The following ANK2 variants were observed in gnomAD, a reference collection of about 807,000 sequenced individuals.
ANK2 encodes ankyrin 2.
Under a neutral mutation model 360.5 loss-of-function variants are expected in ANK2, and 83 were observed. That is an observed-to-expected ratio of 0.23 (90% CI 0.19 to 0.28). The LOEUF is 0.28. Among genes scored for constraint, ANK2 ranks in the 10% least tolerant of loss-of-function variants. ANK2 has a pLI of 1.00. For synonymous variants in ANK2, 1,740 were observed against 1,759.5 expected, an observed-to-expected ratio of 0.99 and a Z score of 0.28; for missense variants, 4,201 against 4,795.7, an observed-to-expected ratio of 0.88 and a Z score of 3.66.
the ANK2 span, among the ~76,000 whole-genome samples, chr4:112,763,114 G>C: frequency 6.6e-6 from 1 of 152,142 alleles, no homozygotes; most frequent in Non-Finnish European, 1.5e-5. Flanking sequence ...TAAGAGTGGG[G>C]GCTGGGCGCG....
At chr4:113,221,439 C>G (rs143828659) in intron 4 of ANK2, among the ~76,000 whole-genome samples, 3,717 of 152,156 alleles carry the variant, frequency 0.024, 79 homozygotes, top group Non-Finnish European at 0.038. Context: ...GTGGGCAGGT[C>G]ACTTGAGGTC....
At chr4:113,158,686 T>C (rs2097394470) in intron 1 of ANK2, among the ~76,000 whole-genome samples, 1 of 152,210 alleles carries the variant, frequency 6.6e-6, no homozygotes, top group African/African-American at 2.4e-5. Flanking sequence ...TTTGAAATTC[T>C]TAACATCTCG....
rs755730747 is a variant in ANK2 at position 113,336,674 on chromosome 4, ACAAAC to A, written c.3693_3697del (p.Lys1231AsnfsTer13). 1 of 1,614,182 alleles carries A rather than the reference ACAAAC, an allele frequency of 6.2e-7. No homozygotes were observed. The highest frequency in any genetic ancestry group is 8.5e-7 in the Non-Finnish European group (1 of 1,180,030). ...TTGGAACCTAGAAGAAGAAAATTCC[ACAAAC>A]CAATTACCATGACCATTCCTGTCCC... On this transcript the variant is annotated frameshift_variant, in exon 31 of 46. Coordinates refer to ENST00000357077, the MANE Select transcript of ANK2 (RefSeq NM_001148.6). LOFTEE classifies it high-confidence loss of function.
At chr4:112,975,260 A>C (rs775138648) in intron 2 of ANK2, among the ~76,000 whole-genome samples, 1 of 152,194 alleles carries the variant, frequency 6.6e-6, no homozygotes, top group Non-Finnish European at 1.5e-5. Context: ...CTTAGCAGGA[A>C]TCATAATTTT....
chr4:113,182,896 G>C lies in ANK2; in HGVS notation c.186+8379G>C, dbSNP rs986636301. ...ATCAAGAAGGCTTTCTTTGTAATAG[G>C]AAAGAAATAATAGCTTTGTTTTGTT... is the stretch of plus-strand genomic sequence containing the variant. On this transcript the variant is annotated intron_variant, in intron 2 of 45. Transcript: ENST00000357077. Among the ~76,000 whole-genome samples, 6 of 152,286 alleles carry C rather than the reference G, an allele frequency of 3.9e-5. 1 individual carries two copies. Among genetic ancestry groups the C allele is most frequent in the Admixed American group, 3.9e-4 (6 of 15,298 alleles).
chr4:112,740,720 A>T, the ANK2 span, among the ~76,000 whole-genome samples: 3 of 151,642 alleles, frequency 2.0e-5, no homozygotes, highest in Non-Finnish European at 4.4e-5. Context: ...AGAAAAAAAA[A>T]ATTATTGTAG....
chr4:113,197,028 T>G (rs1315986196), intron 3 of ANK2, among the ~76,000 whole-genome samples: 2 of 152,238 alleles, frequency 1.3e-5, no homozygotes, highest in African/African-American at 2.4e-5. Flanking sequence ...AGGATGAGAT[T>G]AACATAATCC....
chr4:112,960,764 G>T (rs191173826), intron 2 of ANK2, among the ~76,000 whole-genome samples: 23 of 152,064 alleles, frequency 1.5e-4, no homozygotes, highest in Admixed American at 7.2e-4. Flanking sequence ...ATAGTAATAA[G>T]ATAATTTATT....
At chr4:112,928,870 T>A (rs2092879706) in intron 2 of ANK2, among the ~76,000 whole-genome samples, 1 of 150,474 alleles carries the variant, frequency 6.6e-6, no homozygotes, top group African/African-American at 2.5e-5. Flanking sequence ...TTTTTTTTTT[T>A]AAGACAGAGT....
the ANK2 span, among the ~76,000 whole-genome samples, chr4:112,792,207 A>G: frequency 6.6e-6 from 1 of 151,800 alleles, no homozygotes; most frequent in Non-Finnish European, 1.5e-5. Flanking sequence ...ACACCTGGGT[A>G]ATTTTGTGTT....
At chr4:113,219,547 T>C (rs181416149) in intron 4 of ANK2, among the ~76,000 whole-genome samples, 4,237 of 152,250 alleles carry the variant, frequency 0.028, 98 homozygotes, top group East Asian at 0.068. Flanking sequence ...TATCTTATTT[T>C]GTGTTTTCCC....
rs779012880 is a variant in ANK2 at position 113,367,664 on chromosome 4, A to C, written c.11131A>C (p.Ile3711Leu). The change falls in exon 42 of 46, where the codon ATC becomes CTC. Residue 3711 changes from isoleucine (I) to leucine (L), a missense_variant. By Grantham distance (5) the Ile-to-Leu change is conservative. This residue lies in a region of ANK2 where 2,642 missense variants were observed against 2,714.5 expected (regional missense o/e 0.97). Transcript: ENST00000357077. ...AAGTGAGACCTGCGATCACCCTCCT[A>C]TCGTCTCAGAGGAAGACATTTCTGT... Reference protein sequence around the residue: ...KESETCDHPPIVSEEDISVGY... With the variant: ...KESETCDHPPLVSEEDISVGY... 2 of 1,613,960 alleles carry C rather than the reference A, an allele frequency of 1.2e-6. No individual in the cohort carries two copies. The highest frequency in any genetic ancestry group is 1.7e-6 in the Non-Finnish European group (2 of 1,179,980).
At chr4:113,180,518 T>C (rs1207249834) in intron 2 of ANK2, among the ~76,000 whole-genome samples, 1 of 152,216 alleles carries the variant, frequency 6.6e-6, no homozygotes, top group African/African-American at 2.4e-5. Flanking sequence ...GGTATTGCCA[T>C]AGCCTGTATC....
intron 34 of ANK2, 43 bp from the exon 35 acceptor site, chr4:113,345,857 C>T: frequency 6.2e-7 from 1 of 1,610,744 alleles, no homozygotes. Flanking sequence ...GTAAATACTG[C>T]AAATCAAATG....
chr4:113,217,450 G>C (rs2099097923), intron 4 of ANK2, among the ~76,000 whole-genome samples: 1 of 152,104 alleles, frequency 6.6e-6, no homozygotes, highest in Non-Finnish European at 1.5e-5. Flanking sequence ...TGTATTTCAA[G>C]GTATAAATTA....
At chr4:112,837,044 G>C (rs1000290400) in intron 1 of ANK2, among the ~76,000 whole-genome samples, 1 of 152,198 alleles carries the variant, frequency 6.6e-6, no homozygotes, top group Non-Finnish European at 1.5e-5. Flanking sequence ...CATGCCAGAG[G>C]TCTTCAAGGC....
Position 113,355,219 on chromosome 4 carries a change from A to T in ANK2, c.6601A>T (p.Ser2201Cys). 6.2e-7 allele frequency: 1 copy of T among 1,614,142 alleles called. No individual in the cohort carries two copies. Among genetic ancestry groups the T allele is most frequent in the Non-Finnish European group, 8.5e-7 (1 of 1,179,970 alleles). The change falls in exon 38 of 46, where the codon AGT (serine) becomes TGT (cysteine). Residue 2201 changes from serine (S) to cysteine (C), a missense_variant. This residue lies in a region of ANK2 where 2,642 missense variants were observed against 2,714.5 expected (regional missense o/e 0.97). Transcript: ENST00000357077. ...LSLQSGALDG[S>C]SESLKNEGVA... ...TTTACAAAGCGGTGCTTTAGATGGC[A>T]GTTCTGAAAGCCTAAAGAATGAGGG...
rs1293561389 is a variant in ANK2, at chr4:113,356,692, CCTT to C, written c.8077_8079del (p.Ser2693del). 15 of 1,613,986 alleles carry C rather than the reference CCTT, an allele frequency of 9.3e-6. No individual in the cohort carries two copies. Among genetic ancestry groups the C allele is most frequent in the Non-Finnish European group, 1.3e-5 (15 of 1,179,996 alleles). On this transcript the variant is annotated inframe_deletion, in exon 38 of 46. Transcript: ENST00000357077. ...AGAACCAGTGATTCGAGTACAACCT[CCTT>C]CTCCACTTCCATCAAGCATGGACTC...
At chr4:113,145,460 A>G (rs2096793085) in intron 1 of ANK2, among the ~76,000 whole-genome samples, 1 of 152,194 alleles carries the variant, frequency 6.6e-6, no homozygotes, top group Non-Finnish European at 1.5e-5. Flanking sequence ...AAATTCTCAT[A>G]TGTAGAGACA....
Sources: allele counts gnomAD v4.1 joint callset (sites outside exome capture counted in the v4.1 genomes callset), GRCh38; gene constraint gnomAD v4.1.1; regional missense constraint gnomAD v4.1.1; transcripts MANE v1.5; gene names NCBI Gene and HGNC (gene_info 2026-07-23, HGNC 2026-07-21).